AKAP7: variants seen among roughly 807,000 people sequenced by gnomAD.
The protein encoded by AKAP7 is A kinase (PRKA) anchor protein 7.
A neutral mutation model predicts 39.5 loss-of-function variants in AKAP7; 39 were observed. The ratio of observed to expected loss-of-function variants is 0.99; its 90% confidence interval spans 0.76 to 1.29. The LOEUF (loss-of-function observed/expected upper bound fraction) is 1.29, where lower values mean the gene tolerates loss of function less well. Ranked by LOEUF, AKAP7 falls within the 50% of genes most tolerant of loss-of-function variation. The pLI is 0.00. For synonymous variants in AKAP7, 140 were observed against 139.1 expected, an observed-to-expected ratio of 1.01 and a Z score of -0.05; for missense variants, 414 against 407.7, an observed-to-expected ratio of 1.02 and a Z score of -0.13.
At chr6:131,135,977 G>A (rs1353807637) in intron 1 of AKAP7, among the ~76,000 whole-genome samples, 195 bp downstream of exon 1, 1 of 152,040 alleles carries the variant, frequency 6.6e-6, no homozygotes, top group Admixed American at 6.6e-5. Flanking sequence ...TGCCTGTAGC[G>A]AAGCGTTTTA....
At chr6:131,214,407 C>T (rs575071238) in intron 6 of AKAP7, among the ~76,000 whole-genome samples, 4 of 152,028 alleles carry the variant, frequency 2.6e-5, no homozygotes, top group South Asian at 4.2e-4. Context: ...AGGGAGATGG[C>T]GTGCCTAAAA....
intron 7 of AKAP7, among the ~76,000 whole-genome samples, chr6:131,274,466 C>T (rs959350641): frequency 3.9e-5 from 6 of 152,008 alleles, no homozygotes; most frequent in African/African-American, 1.5e-4. Context: ...TACCATGGTT[C>T]ATATCCTCAT....
In AKAP7 at chr6:131,199,462, G is replaced by T; in HGVS notation, c.591G>T (p.Glu197Asp). 6.4e-7 allele frequency: 1 copy of T among 1,572,500 alleles called. No individual in the cohort carries two copies. Among genetic ancestry groups the T allele is most frequent in the Non-Finnish European group, 8.7e-7 (1 of 1,147,688 alleles). Residue 197 changes from glutamate (E) to aspartate (D), a missense_variant and splice_region_variant, in exon 6 of 8, where the codon GAG becomes GAT. Transcript: ENST00000431975. ...TTTGTTTCTCTTTATTTTCTTCAGA[G>T]ACTGCAAATAGGACATTTCAAGAAA... Reference protein sequence around the residue: ...DHVNSLLEIAETANRTFQEKG... With the variant: ...DHVNSLLEIADTANRTFQEKG...
chr6:131,207,491 A>ATATTTTTTTTTTTTTTT (rs1554211848), intron 6 of AKAP7, among the ~76,000 whole-genome samples: 3 of 78,806 alleles, frequency 3.8e-5, no homozygotes, highest in African/African-American at 1.5e-4. Flanking sequence ...GCTAATTAAA[A>ATATTTTTTTTTTTTTTT]TTTTTTTTTT....
At chr6:131,213,300 G>A (rs961310337) in intron 6 of AKAP7, among the ~76,000 whole-genome samples, 1 of 151,932 alleles carries the variant, frequency 6.6e-6, no homozygotes, top group Admixed American at 6.5e-5. Flanking sequence ...TTTTTATACT[G>A]AGAATTTTTT....
chr6:131,196,283 TGAGACGGAGTCTCACTC>T (rs1806921871), intron 5 of AKAP7, among the ~76,000 whole-genome samples: 1 of 151,008 alleles, frequency 6.6e-6, no homozygotes, highest in Non-Finnish European at 1.5e-5. Context: ...TTTTTTTTTT[TGAGACGGAGTCTCACTC>T]TGTCACTCAG....
chr6:131,206,844 C>T (rs1490775605), intron 6 of AKAP7, among the ~76,000 whole-genome samples: 1 of 151,954 alleles, frequency 6.6e-6, no homozygotes. Context: ...TTAACTGGGC[C>T]TGGTATAGTT....
At chr6:131,134,359 T>C (rs1228892864), upstream of AKAP7, among the ~76,000 whole-genome samples, 2 of 152,204 alleles carry the variant, frequency 1.3e-5, no homozygotes, top group Non-Finnish European at 2.9e-5. Flanking sequence ...GAGGTCAAAG[T>C]TGTTCCTGAG....
At chr6:131,156,684 C>G (rs570491451) in intron 2 of AKAP7, among the ~76,000 whole-genome samples, 4 of 151,922 alleles carry the variant, frequency 2.6e-5, no homozygotes, top group Non-Finnish European at 5.9e-5. Context: ...TTCAGGGCAG[C>G]TTTTCATTTT....
intron 7 of AKAP7, among the ~76,000 whole-genome samples, chr6:131,243,419 C>T (rs534908091): frequency 2.6e-5 from 4 of 152,236 alleles, no homozygotes; most frequent in Non-Finnish European, 5.9e-5. Context: ...CATGGCGTAT[C>T]GGAGGCATGT....
intron 7 of AKAP7, among the ~76,000 whole-genome samples, chr6:131,245,905 CAT>C (rs982040212): frequency 3.9e-5 from 6 of 151,998 alleles, no homozygotes; most frequent in Non-Finnish European, 7.4e-5. Context: ...TTTTCCTTCT[CAT>C]GTGTCTCTGC....
chr6:131,212,067 G>A (rs957968092), intron 6 of AKAP7, among the ~76,000 whole-genome samples: 2 of 152,166 alleles, frequency 1.3e-5, no homozygotes, highest in African/African-American at 4.8e-5. Flanking sequence ...ATATTGCACT[G>A]AAAGTGAAAA....
intron 7 of AKAP7, among the ~76,000 whole-genome samples, chr6:131,227,492 G>A (rs538158049): frequency 7.2e-5 from 11 of 152,314 alleles, no homozygotes; most frequent in African/African-American, 2.6e-4. Flanking sequence ...GCTTGCTTCA[G>A]CGGTACATAC....
chr6:131,240,529 C>T (rs1811454012), intron 7 of AKAP7, among the ~76,000 whole-genome samples: 1 of 152,180 alleles, frequency 6.6e-6, no homozygotes, highest in Non-Finnish European at 1.5e-5. Context: ...GGCAGGCAGG[C>T]CTCCTTGAGC....
chr6:131,222,728 G>A (rs995088284), intron 7 of AKAP7, among the ~76,000 whole-genome samples: 2 of 152,144 alleles, frequency 1.3e-5, no homozygotes, highest in Non-Finnish European at 1.5e-5. Context: ...TGACAACAAA[G>A]GATTTAGAAT....
Position 131,281,604 on chromosome 6 carries a change from C to G in AKAP7, c.925C>G (p.Leu309Val), listed in dbSNP as rs1815198289. 2 of 1,613,074 alleles carry G rather than the reference C, an allele frequency of 1.2e-6. No homozygotes were observed. Among genetic ancestry groups the G allele is most frequent in the South Asian group, 2.2e-5 (2 of 90,956 alleles). Residue 309 changes from leucine to valine, a missense_variant, in exon 8 of 8, where the codon CTC becomes GTC. Transcript: ENST00000431975. This position sits in a 1 kb window ranked among gnomAD's most constrained non-coding sequence, Gnocchi z 4.0. ...TAAGAGGCTGGTGGAGAACGCGGTG[C>G]TCAAGGCTGTCCAGCAGTATCTGGA... The part of the protein sequence containing the change: ...LSKRLVENAV[L>V]KAVQQYLEET...
At chr6:131,149,599 C>T (rs1191619982) in intron 2 of AKAP7, among the ~76,000 whole-genome samples, 1 of 152,186 alleles carries the variant, frequency 6.6e-6, no homozygotes, top group Non-Finnish European at 1.5e-5. Context: ...TGCGCCACTG[C>T]ACTCCAGCCT....
intron 7 of AKAP7, among the ~76,000 whole-genome samples, chr6:131,272,203 A>G (rs773603862): frequency 1.6e-4 from 25 of 152,228 alleles, no homozygotes; most frequent in Non-Finnish European, 2.4e-4. Flanking sequence ...TGTATAATCG[A>G]TAGTGATGTT....
At chr6:131,266,503 C>T (rs1813810385) in intron 7 of AKAP7, among the ~76,000 whole-genome samples, 3 of 152,150 alleles carry the variant, frequency 2.0e-5, no homozygotes, top group South Asian at 4.1e-4. Context: ...CCTTAATAAA[C>T]AGTATACATC....
Sources: gnomAD v4.1 joint callset for allele counts (sites outside exome capture counted in the v4.1 genomes callset) on GRCh38, gnomAD v4.1.1 for gene constraint, Gnocchi (gnomAD v3.1) non-coding constraint, MANE v1.5 for transcripts, NCBI Gene and HGNC (gene_info 2026-07-23, HGNC 2026-07-21) for gene names.